The following TMCC2 variants were observed in gnomAD, a reference collection of about 807,000 sequenced individuals.
The protein encoded by TMCC2 is transmembrane and coiled-coil domains protein 2.
TMCC2 carries 16 observed loss-of-function variants against 49.4 expected under a neutral mutation model. The observed-to-expected ratio is 0.32, with a 90% confidence interval of 0.22 to 0.49. The LOEUF is 0.49. TMCC2 is among the 20% of genes least tolerant of loss of function. TMCC2 has a pLI of 0.99. For missense variants in TMCC2, 762 were observed against 989.8 expected, an observed-to-expected ratio of 0.77 and a Z score of 3.09; for synonymous variants, 397 against 434.1, an observed-to-expected ratio of 0.91 and a Z score of 1.06.
rs754893771 is a variant in TMCC2, at chr1:205,272,138, C to A, written c.*14C>A. ...CTGCCCAGCTGAGTGGCCAGCCACA[C>A]CAACCCTGTGCTCTCTGGCCCCCAG... On this transcript the variant is annotated 3_prime_UTR_variant, in exon 5 of 5. Transcript: ENST00000358024. The A allele has an allele frequency of 2.5e-6, 4 of 1,608,374 alleles. No homozygotes were observed. The highest frequency in any genetic ancestry group is 3.4e-6 in the Non-Finnish European group (4 of 1,175,588).
At chr1:205,237,201 C>T (rs970952767) in intron 1 of TMCC2, among the ~76,000 whole-genome samples, 1 of 152,182 alleles carries the variant, frequency 6.6e-6, no homozygotes, top group Admixed American at 6.5e-5. Context: ...AATGGTTCCT[C>T]TCCTGCTCCC....
At chr1:205,232,289 C>T (rs573668877) in intron 1 of TMCC2, among the ~76,000 whole-genome samples, 7 of 152,334 alleles carry the variant, frequency 4.6e-5, no homozygotes, top group Admixed American at 1.3e-4. Flanking sequence ...TGAGGGCCTT[C>T]TCAACTGTTC....
At chr1:205,261,691 A>G (rs1280854343) in intron 2 of TMCC2, among the ~76,000 whole-genome samples, 1 of 151,024 alleles carries the variant, frequency 6.6e-6, no homozygotes, top group African/African-American at 2.4e-5. Flanking sequence ...AAAAAAAAAA[A>G]TTATTATAGT....
rs752875362 is a variant in TMCC2 at position 205,228,727 on chromosome 1, G to A, written c.163G>A (p.Ala55Thr). The A allele has an allele frequency of 6.2e-7, 1 of 1,610,548 alleles. No individual in the cohort carries two copies. The change falls in exon 1 of 5, where the codon GCG (alanine) becomes ACG (threonine). Residue 55 changes from alanine to threonine, a missense_variant. Physicochemically the swap from Ala to Thr is moderately conservative, Grantham distance 58. This residue lies in a region of TMCC2 where 322 missense variants were observed against 353.1 expected (regional missense o/e 0.91). Transcript: ENST00000358024. ...GGPTSDAGAA[A>T]APNPGPRSKP... ...GCCAACTTCAGACGCCGGCGCTGCC[G>A]CGGCGCCCAACCCAGGTCCCCGAAG...
At chr1:205,256,353 C>T in intron 2 of TMCC2, 2 of 1,550,950 alleles carry the variant, frequency 1.3e-6, no homozygotes, top group South Asian at 1.2e-5. Flanking sequence ...TCCCCCTCTG[C>T]TGGCCACTCA....
At chr1:205,236,632 G>C (rs1215944943) in intron 1 of TMCC2, 1 of 152,260 alleles carries the variant, frequency 6.6e-6, no homozygotes, top group African/African-American at 2.4e-5. Flanking sequence ...GTCAGCAGGT[G>C]AGAAGTTGGA....
Position 205,271,147 on chromosome 1 carries a change from C to T in TMCC2, c.1710C>T (p.Asn570=), listed in dbSNP as rs138157471. 1.2e-4 allele frequency: 189 copies of T among 1,613,220 alleles called. No homozygotes were observed. The African/African-American group carries it at 1.5e-3, about 13-fold the overall frequency. ...YRYERLEEQL[N]DLTELHQNEM... ...ACGAGCGGCTGGAGGAGCAGCTCAACGACCTGACTGAGCTTCATCAGAACG... is the reference window on the plus strand; with the variant it reads ...ACGAGCGGCTGGAGGAGCAGCTCAATGACCTGACTGAGCTTCATCAGAACG... Residue 570 remains asparagine (N), a synonymous_variant, in exon 4 of 5, where the codon AAC becomes AAT. Transcript: ENST00000358024.
At position 205,241,900 on chromosome 1, in the gene TMCC2, C is replaced by A. The variant is rs138237601; in HGVS notation, c.603C>A (p.Ala201=). 3.7e-6 allele frequency: 6 copies of A among 1,609,076 alleles called. No homozygotes were observed. In the African/African-American group the frequency reaches 8.0e-5, roughly 21 times the overall value. Residue 201 remains alanine (A), a synonymous_variant, in exon 2 of 5, where the codon GCC becomes GCA. Transcript: ENST00000358024. The surrounding 1 kb of genome is among the most constrained non-coding windows in gnomAD (Gnocchi z 7.3). ...QRGSPHLLRK[A]PQDSSLAAIL... ...GCAGCCCTCACCTGCTGCGCAAGGC[C>A]CCCCAGGACAGCAGCCTGGCCGCCA...
At position 205,228,487 on chromosome 1, in the gene TMCC2, T is replaced by C; in HGVS notation, c.-78T>C. ...AATAATTTAGACCCCAGGCCTCATATGAATATAAGAGGGGGTGCGGTCTTC... is the reference window on the plus strand; with the variant it reads ...AATAATTTAGACCCCAGGCCTCATACGAATATAAGAGGGGGTGCGGTCTTC... On this transcript the variant is annotated 5_prime_UTR_variant, in exon 1 of 5. An upstream start codon of the reference 5' UTR is lost. Coordinates refer to ENST00000358024, the MANE Select transcript of TMCC2 (RefSeq NM_014858.4). 1 of 1,273,452 alleles carries C rather than the reference T, an allele frequency of 7.9e-7. No individual in the cohort carries two copies. Among genetic ancestry groups the C allele is most frequent in the Non-Finnish European group, 1.1e-6 (1 of 913,648 alleles). The allele number at this position is 1,273,452 out of a possible 1,614,324, so 78.9% of individuals were successfully genotyped here. A position where few individuals can be genotyped will look rare whatever the true frequency, so the allele number is the denominator to read the frequency against.
Position 205,241,952 on chromosome 1 carries a change from C to T in TMCC2, c.655C>T (p.Arg219Cys), listed in dbSNP as rs781304243. The T allele has an allele frequency of 1.8e-5, 29 of 1,611,648 alleles. No individual in the cohort carries two copies. Among genetic ancestry groups the T allele is most frequent in the Non-Finnish European group, 2.0e-5 (24 of 1,179,892 alleles). Residue 219 changes from arginine to cysteine, a missense_variant, in exon 2 of 5, where the codon CGC becomes TGC. Arg to Cys is a radical substitution (Grantham distance 180). Transcript: ENST00000358024. This position sits in a 1 kb window ranked among gnomAD's most constrained non-coding sequence, Gnocchi z 7.3. ...AILHQHQCRP[R>C]SSSTTDTALL... ...CCTGCACCAGCACCAGTGCCGTCCC[C>T]GCTCTTCCTCCACCACCGACACTGC...
chr1:205,239,500 C>A (rs1039650384), intron 1 of TMCC2, among the ~76,000 whole-genome samples: 2 of 152,204 alleles, frequency 1.3e-5, no homozygotes, highest in African/African-American at 4.8e-5. Flanking sequence ...CATTGTGTAA[C>A]TTAAGATCTC....
chr1:205,261,611 C>T (rs536044323), intron 2 of TMCC2, among the ~76,000 whole-genome samples: 19 of 151,432 alleles, frequency 1.3e-4, no homozygotes, highest in South Asian at 1.0e-3. Flanking sequence ...CCTGGGACGT[C>T]GAGACTACAG....
At chr1:205,235,294 C>G (rs528200790) in intron 1 of TMCC2, among the ~76,000 whole-genome samples, 1 of 152,180 alleles carries the variant, frequency 6.6e-6, no homozygotes, top group East Asian at 1.9e-4. Flanking sequence ...TCCCTGTTCT[C>G]CTGCCACATA....
chr1:205,246,663 G>T, intron 2 of TMCC2: 1 of 1,550,380 alleles, frequency 6.5e-7, no homozygotes, highest in South Asian at 1.2e-5. Flanking sequence ...CACTCTGCAT[G>T]TAGAGGCAGC....
In TMCC2 at chr1:205,272,243, G is replaced by A; in HGVS notation, c.*119G>A. The A allele has an allele frequency of 6.8e-7, 1 of 1,464,402 alleles. No homozygotes were observed. Among genetic ancestry groups the A allele is most frequent in the Non-Finnish European group, 9.0e-7 (1 of 1,107,352 alleles). The allele number at this position is 1,464,402 out of a possible 1,614,324, so 90.7% of individuals were successfully genotyped here. ...CCTCCTGCCCAAACTGTCCATTCCA[G>A]CAGCTCCTGCCCCCTTCTCTGTACT... On this transcript the variant is annotated 3_prime_UTR_variant, in exon 5 of 5. Coordinates refer to ENST00000358024, the MANE Select transcript of TMCC2 (RefSeq NM_014858.4).
intron 2 of TMCC2, among the ~76,000 whole-genome samples, chr1:205,250,146 C>T (rs1660609009): frequency 6.6e-6 from 1 of 152,220 alleles, no homozygotes; most frequent in Non-Finnish European, 1.5e-5. Context: ...GCTGCAGCGT[C>T]CTCTTGACTT....
chr1:205,257,027 C>T (rs1660899761), intron 2 of TMCC2, among the ~76,000 whole-genome samples: 1 of 149,082 alleles, frequency 6.7e-6, no homozygotes, highest in Non-Finnish European at 1.5e-5. Context: ...ATGCACACAA[C>T]TCACAGTGGA....
At chr1:205,267,369 T>C in intron 2 of TMCC2, among the ~76,000 whole-genome samples, 1 of 152,196 alleles carries the variant, frequency 6.6e-6, no homozygotes, top group East Asian at 1.9e-4. Context: ...CCAGTTCTGG[T>C]GCATGTGACT....
Position 205,272,018 on chromosome 1 carries a change from G to A in TMCC2, c.2024G>A (p.Arg675His). Reference sequence around the variant, plus strand: ...TTCATCACGCCCCTCATGAAGACACGCCTGCGCATCACCAGCACCACCCTC... The same window carrying A: ...TTCATCACGCCCCTCATGAAGACACACCTGCGCATCACCAGCACCACCCTC... ...ANFITPLMKT[R>H]LRITSTTLLV... is the part of the protein sequence containing the mutation. Residue 675 changes from arginine to histidine, a missense_variant, in exon 5 of 5, where the codon CGC (arginine) becomes CAC (histidine). Transcript: ENST00000358024. 1 of 1,614,164 alleles carries A rather than the reference G, an allele frequency of 6.2e-7. No homozygotes were observed. The highest frequency in any genetic ancestry group is 2.2e-5 in the East Asian group (1 of 44,886).
Sources: allele counts gnomAD v4.1 joint callset (sites outside exome capture counted in the v4.1 genomes callset), GRCh38; gene constraint gnomAD v4.1.1; regional missense constraint gnomAD v4.1.1; non-coding constraint Gnocchi (gnomAD v3.1); transcripts MANE v1.5; gene names NCBI Gene and HGNC (gene_info 2026-07-23, HGNC 2026-07-21).